The following DDR2 variants were observed in gnomAD, a reference collection of about 807,000 sequenced individuals.
DDR2 encodes discoidin domain-containing receptor 2.
Under a neutral mutation model 94.9 loss-of-function variants are expected in DDR2, and 27 were observed. That is an observed-to-expected ratio of 0.28 (90% confidence interval 0.21 to 0.39). DDR2 has a LOEUF of 0.39. DDR2 is among the 10% of genes least tolerant of loss of function. The pLI, the probability that DDR2 is intolerant of heterozygous loss-of-function variation, is 1.00. For missense variants in DDR2, 783 were observed against 1,076.0 expected (o/e 0.73, Z 3.81); for synonymous variants, 382 against 377.2 (o/e 1.01, Z -0.15).
chr1:162,686,711 A>G (rs1466262579), intron 2 of DDR2, among the ~76,000 whole-genome samples: 1 of 152,198 alleles, frequency 6.6e-6, no homozygotes, highest in African/African-American at 2.4e-5. Context: ...AGAATGATTT[A>G]TAATCCTTTC....
At chr1:162,680,482 C>T (rs1395348705) in intron 2 of DDR2, among the ~76,000 whole-genome samples, 2 of 152,176 alleles carry the variant, frequency 1.3e-5, no homozygotes, top group Non-Finnish European at 1.5e-5. Flanking sequence ...TATTCAATTA[C>T]ATTGGTCTAT....
intron 2 of DDR2, among the ~76,000 whole-genome samples, chr1:162,663,380 A>G (rs1658400948): frequency 6.6e-6 from 1 of 152,070 alleles, no homozygotes; most frequent in Non-Finnish European, 1.5e-5. Context: ...CCCTTAAAAA[A>G]CCTATAGAGC....
intron 2 of DDR2, among the ~76,000 whole-genome samples, chr1:162,713,775 G>T (rs1445154940): frequency 6.6e-6 from 1 of 152,046 alleles, no homozygotes. Context: ...AGTTTTTGTT[G>T]TTAAAAAATA....
In DDR2 at chr1:162,786,187, A is replaced by AGATT. The variant is rs1395393196; in HGVS notation, c.*5941_*5942insGATT. The AGATT allele has an allele frequency of 3.3e-5, 5 of 152,254 alleles. No homozygotes were observed. The highest frequency in any genetic ancestry group is 1.2e-4 in the African/African-American group (5 of 41,466). The allele number at this position is 152,254 out of a possible 1,614,324, so 9.4% of individuals were successfully genotyped here. On this transcript the variant is annotated 3_prime_UTR_variant, in exon 18 of 18. Transcript: ENST00000367921. ...CACAATTGAAAGCTGGCTTCCTGCA[A>AGATT]ACACACCAAGAGTCTGTAATCTAGC...
intron 3 of DDR2, among the ~76,000 whole-genome samples, chr1:162,734,100 G>A (rs1426622334): frequency 6.6e-6 from 1 of 152,170 alleles, no homozygotes; most frequent in Admixed American, 6.5e-5. Context: ...AAGAACACCC[G>A]ATACACAGCA....
At chr1:162,700,277 T>A (rs186347506) in intron 2 of DDR2, among the ~76,000 whole-genome samples, 19 of 152,218 alleles carry the variant, frequency 1.2e-4, no homozygotes, top group African/African-American at 4.3e-4. Flanking sequence ...TTTGGGTAAA[T>A]GTGCTCCTTA....
In DDR2 at chr1:162,785,808, A is replaced by G. The variant is rs989601787; in HGVS notation, c.*5562A>G. On this transcript the variant is annotated 3_prime_UTR_variant, in exon 18 of 18. Coordinates refer to ENST00000367921, the MANE Select transcript of DDR2 (RefSeq NM_006182.4). ...CTGGTGAAGTGCATTCTCTGTTTGT[A>G]TACTTTTTGATGGAGAAATTGATCT... 2.0e-5 allele frequency: 3 copies of G among 152,344 alleles called. No homozygotes were observed. The highest frequency in any genetic ancestry group is 2.1e-4 in the South Asian group (1 of 4,830). The allele number at this position is 152,344 out of a possible 1,614,324, so 9.4% of individuals were successfully genotyped here.
At chr1:162,764,047 C>T (rs1174284633) in intron 9 of DDR2, among the ~76,000 whole-genome samples, 1 of 152,144 alleles carries the variant, frequency 6.6e-6, no homozygotes, top group African/African-American at 2.4e-5. Context: ...AGTCAAAGCA[C>T]TATGTTCTAA....
chr1:162,741,222 T>TATAAA (rs1662584535), intron 3 of DDR2, among the ~76,000 whole-genome samples: 1 of 130,664 alleles, frequency 7.7e-6, no homozygotes, highest in African/African-American at 2.9e-5. Context: ...TATAATATAA[T>TATAAA]ATAATATAAT....
intron 3 of DDR2, among the ~76,000 whole-genome samples, chr1:162,751,763 A>G (rs1312873262): frequency 6.6e-6 from 1 of 152,240 alleles, no homozygotes; most frequent in Non-Finnish European, 1.5e-5. Context: ...TCCATCAATG[A>G]TAGACTGGAT....
intron 1 of DDR2, 93 bp from the exon 2 acceptor site, chr1:162,655,101 GTGTGCTTGGAAGGTTTC>G (rs1657891144): frequency 6.6e-6 from 1 of 151,964 alleles, no homozygotes; most frequent in South Asian, 2.1e-4. Flanking sequence ...TTAGTGCCTG[GTGTGCTTGGAAGGTTTC>G]TGTTGCACGG....
intron 1 of DDR2, among the ~76,000 whole-genome samples, chr1:162,650,720 T>G (rs2101902026): frequency 6.6e-6 from 1 of 152,180 alleles, no homozygotes; most frequent in South Asian, 2.1e-4. Flanking sequence ...CTCAATCCTC[T>G]CCACATTATT....
intron 2 of DDR2, among the ~76,000 whole-genome samples, chr1:162,695,322 C>G (rs1660137729): frequency 6.6e-6 from 1 of 152,140 alleles, no homozygotes; most frequent in African/African-American, 2.4e-5. Flanking sequence ...GCCTCCACCT[C>G]CCAGGTTCAA....
intron 2 of DDR2, among the ~76,000 whole-genome samples, chr1:162,699,614 C>A (rs1163211312): frequency 2.0e-5 from 3 of 152,138 alleles, no homozygotes; most frequent in Non-Finnish European, 2.9e-5. Context: ...TACAGTTATG[C>A]CATTCTCTGC....
chr1:162,741,230 A>AAT (rs1306265616), intron 3 of DDR2, among the ~76,000 whole-genome samples: 12 of 141,358 alleles, frequency 8.5e-5, no homozygotes, highest in Non-Finnish European at 1.7e-4. Context: ...AATATAATAT[A>AAT]ATATAATATA....
chr1:162,685,175 A>G (rs1292488811), intron 2 of DDR2, among the ~76,000 whole-genome samples: 1 of 152,180 alleles, frequency 6.6e-6, no homozygotes, highest in Non-Finnish European at 1.5e-5. Context: ...CAAAATATAC[A>G]ATATCTATCT....
At chr1:162,756,962 G>A (rs1663493495) in intron 7 of DDR2, among the ~76,000 whole-genome samples, 1 of 152,168 alleles carries the variant, frequency 6.6e-6, no homozygotes, top group Admixed American at 6.5e-5. Flanking sequence ...AGGCATGTTA[G>A]GTATTCAAAG....
chr1:162,736,735 T>A (rs1270268120), intron 3 of DDR2, among the ~76,000 whole-genome samples: 2 of 152,228 alleles, frequency 1.3e-5, no homozygotes, highest in African/African-American at 2.4e-5. Context: ...GCATCCAGAT[T>A]TCAGAGATGT....
intron 10 of DDR2, among the ~76,000 whole-genome samples, chr1:162,766,596 G>A (rs1390426044): frequency 2.6e-5 from 4 of 152,132 alleles, no homozygotes; most frequent in Admixed American, 2.6e-4. Flanking sequence ...TTCATGAGGT[G>A]TGATTAAGGG....
Sources: allele counts gnomAD v4.1 joint callset (sites outside exome capture counted in the v4.1 genomes callset), GRCh38; gene constraint gnomAD v4.1.1; transcripts MANE v1.5; gene names NCBI Gene and HGNC (gene_info 2026-07-23, HGNC 2026-07-21).